The following SHC1 variants were observed in gnomAD, a reference collection of about 807,000 sequenced individuals.
The protein encoded by SHC1 is SHC-transforming protein 1.
SHC1 carries 30 observed loss-of-function variants against 55.9 expected under a neutral mutation model. The ratio of observed to expected loss-of-function variants is 0.54; its 90% confidence interval spans 0.40 to 0.73. The LOEUF (loss-of-function observed/expected upper bound fraction) is 0.73, where lower values mean the gene tolerates loss of function less well. SHC1 is among the 30% of genes least tolerant of loss of function. The pLI, the probability that SHC1 is intolerant of heterozygous loss-of-function variation, is 0.00. For missense variants in SHC1, 675 were observed against 777.1 expected (o/e 0.87, Z 1.56); for synonymous variants, 309 against 306.1 (o/e 1.01, Z -0.10).
chr1:154,969,962 G>C, intron 1 of SHC1, 70 bp downstream of exon 1: 1 of 1,538,682 alleles, frequency 6.5e-7, no homozygotes, highest in South Asian at 1.1e-5. Flanking sequence ...AAGAGATTCC[G>C]GCCAAGCTGG....
chr1:154,968,854 C>G lies in SHC1; in HGVS notation c.567-20G>C. On this transcript the variant is annotated intron_variant, in intron 2 of 11. Transcript: ENST00000448116. ...GCCTCCCTGGGGAAAGAGGGGTACT[C>G]AGACCCAGCGCCTGCCTGCCTGCCT... 6.2e-7 allele frequency: 1 copy of G among 1,611,958 alleles called. No individual in the cohort carries two copies. The highest frequency in any genetic ancestry group is 8.5e-7 in the Non-Finnish European group (1 of 1,178,020).
intron 10 of SHC1, 62 bp from the exon 11 acceptor site, chr1:154,965,843 C>T: frequency 1.3e-6 from 2 of 1,577,662 alleles, no homozygotes; most frequent in Non-Finnish European, 1.7e-6. Context: ...AAGACCCAGA[C>T]TTCAGGGAAG....
intron 2 of SHC1, 119 bp downstream of exon 2, chr1:154,969,259 C>T: frequency 2.8e-6 from 2 of 713,984 alleles, no homozygotes; most frequent in East Asian, 2.7e-5. Context: ...TCTCTCAATC[C>T]CCTTTACTAC....
upstream of SHC1, among the ~76,000 whole-genome samples, chr1:154,971,781 T>C (rs1447966245): frequency 6.6e-6 from 1 of 151,850 alleles, no homozygotes; most frequent in African/African-American, 2.4e-5. Context: ...TCTGCGTCAA[T>C]AAGGACAGGA....
chr1:154,968,500 T>G lies in SHC1; in HGVS notation c.745A>C (p.Lys249Gln). Reference sequence around the variant, plus strand: ...GTCTGCCCACCTTCACCAACCTGTTTGCAGTCTGCGGCCATGAGGTTGAGG... The same window carrying G: ...GTCTGCCCACCTTCACCAACCTGTTGGCAGTCTGCGGCCATGAGGTTGAGG... The part of the protein sequence containing the change: ...SSLNLMAADC[K>Q]QIIANHHMQS... Residue 249 changes from lysine to glutamine, a missense_variant, in exon 4 of 12, where the codon AAA becomes CAA. Physicochemically the swap from Lys to Gln is moderately conservative, Grantham distance 53. Around this residue, in one of 3 missense-constraint regions of SHC1, gnomAD observed 159 missense variants for 246.9 expected, o/e 0.64. Coordinates refer to ENST00000448116, the MANE Select transcript of SHC1 (RefSeq NM_001130040.2). 1 of 1,614,108 alleles carries G rather than the reference T, an allele frequency of 6.2e-7. No homozygotes were observed. The highest frequency in any genetic ancestry group is 8.5e-7 in the Non-Finnish European group (1 of 1,180,002).
upstream of SHC1, among the ~76,000 whole-genome samples, chr1:154,974,077 A>G (rs555618234): frequency 6.6e-6 from 1 of 152,074 alleles, no homozygotes; most frequent in Non-Finnish European, 1.5e-5. Context: ...GAGACAAAAA[A>G]TAAAAATCAA....
Position 154,963,052 on chromosome 1 carries a change from G to T in SHC1, c.*751C>A. Reference sequence around the variant, plus strand: ...CGTAGAGTACATAGGCATGCAACATGGGAGGGCAGGCCTTATGAAATGTAT... The same window carrying T: ...CGTAGAGTACATAGGCATGCAACATTGGAGGGCAGGCCTTATGAAATGTAT... On this transcript the variant is annotated 3_prime_UTR_variant, in exon 12 of 12. Transcript: ENST00000448116. The T allele has an allele frequency of 6.5e-6, 1 of 152,916 alleles. No homozygotes were observed. The allele number at this position is 152,916 out of a possible 1,614,324, so 9.5% of individuals were successfully genotyped here.
In SHC1 at chr1:154,970,118, G is replaced by A. The variant is rs1656555952; in HGVS notation, c.409C>T (p.His137Tyr). 1 of 1,613,440 alleles carries A rather than the reference G, an allele frequency of 6.2e-7. No homozygotes were observed. Among genetic ancestry groups the A allele is most frequent in the South Asian group, 1.1e-5 (1 of 91,090 alleles). ...GTGGGCTTATTGACAAAGCTCCCGT[G>A]GCGGGTCCACTCCTCGCCCCCAAGC... ...GQLGGEEWTR[H>Y]GSFVNKPTRG... is the part of the protein sequence containing the mutation. Residue 137 changes from histidine to tyrosine, a missense_variant, in exon 1 of 12, where the codon CAC becomes TAC. By Grantham distance (83) the His-to-Tyr change is moderately conservative. Around this residue, in one of 3 missense-constraint regions of SHC1, gnomAD observed 159 missense variants for 246.9 expected, o/e 0.64. Coordinates refer to ENST00000448116, the MANE Select transcript of SHC1 (RefSeq NM_001130040.2). This position sits in a 1 kb window ranked among gnomAD's most constrained non-coding sequence, Gnocchi z 5.5.
At chr1:154,973,293 C>T (rs562611038), upstream of SHC1, 1 of 152,250 alleles carries the variant, frequency 6.6e-6, no homozygotes, top group East Asian at 1.9e-4. Flanking sequence ...GGTGGAGCAC[C>T]TGAGGTCAGG....
At chr1:154,967,187 CG>C (rs1656109868) in intron 7 of SHC1, among the ~76,000 whole-genome samples, 1 of 140,122 alleles carries the variant, frequency 7.1e-6, no homozygotes, top group Non-Finnish European at 1.5e-5. Context: ...GGTGGGGGGC[CG>C]GGGGAGGCAC....
At chr1:154,964,124 G>T (rs1235822595) in intron 11 of SHC1, 193 bp from the exon 12 acceptor site, 1 of 752,144 alleles carries the variant, frequency 1.3e-6, no homozygotes, top group Non-Finnish European at 2.5e-6. Flanking sequence ...AGACAGGTCA[G>T]TGAAGTGAGA....
At chr1:154,965,422 G>A (rs1655821461) in intron 11 of SHC1, 121 bp downstream of exon 11, 1 of 1,612,008 alleles carries the variant, frequency 6.2e-7, no homozygotes, top group Non-Finnish European at 8.5e-7. Flanking sequence ...AGCAAGAGAG[G>A]CCCATAGACA....
intron 7 of SHC1, among the ~76,000 whole-genome samples, chr1:154,967,180 G>C (rs191534080): frequency 1.4e-3 from 207 of 151,918 alleles, no homozygotes; most frequent in Middle Eastern, 6.8e-3. Flanking sequence ...GTAGGGGGGT[G>C]GGGGGCCGGG....
chr1:154,969,887 G>A (rs1656523507), intron 1 of SHC1, 145 bp downstream of exon 1: 1 of 925,544 alleles, frequency 1.1e-6, no homozygotes, highest in East Asian at 2.4e-5. Flanking sequence ...CAGAATCGGG[G>A]AAGGGATGAG....
Position 154,970,210 on chromosome 1 carries a change from G to A in SHC1, c.317C>T (p.Pro106Leu), listed in dbSNP as rs772513815. ...GAAMPDSGPL[P>L]LLQDMNKLSG... ...CAGCTTGTTCATGTCCTGGAGGAGG[G>A]GTAGGGGGCCTGAGTCTGGCATGGC... The change falls in exon 1 of 12, where the codon CCC becomes CTC. Residue 106 changes from proline to leucine, a missense_variant. By Grantham distance (98) the Pro-to-Leu change is moderately conservative (BLOSUM62 -3). This residue lies in a region of SHC1 where 156 missense variants were observed against 159.1 expected (regional missense o/e 0.98). Transcript: ENST00000448116. This position sits in a 1 kb window ranked among gnomAD's most constrained non-coding sequence, Gnocchi z 5.5. 7.4e-6 allele frequency: 12 copies of A among 1,613,754 alleles called. No individual in the cohort carries two copies. Among genetic ancestry groups the A allele is most frequent in the Non-Finnish European group, 1.0e-5 (12 of 1,179,902 alleles).
intron 2 of SHC1, among the ~76,000 whole-genome samples, chr1:154,969,112 A>G (rs1571445923): frequency 6.7e-6 from 1 of 149,916 alleles, no homozygotes; most frequent in Admixed American, 6.6e-5. Flanking sequence ...CCTTCCATCT[A>G]CCCCCCTTTT....
upstream of SHC1, chr1:154,974,336 C>T (rs1343959495): frequency 6.9e-6 from 2 of 288,996 alleles, no homozygotes; most frequent in South Asian, 6.9e-5. Flanking sequence ...CTCCAACTTT[C>T]TCCCCGGGCC....
In SHC1 at chr1:154,965,760, C is replaced by T. The variant is rs752538345; in HGVS notation, c.1409G>A (p.Arg470His). 27 of 1,612,956 alleles carry T rather than the reference C, an allele frequency of 1.7e-5. No individual in the cohort carries two copies. Among genetic ancestry groups the T allele is most frequent in the Admixed American group, 1.3e-4 (8 of 59,970 alleles). Residue 470 changes from arginine (R) to histidine (H), a missense_variant, in exon 11 of 12, where the codon CGC becomes CAC. Transcript: ENST00000448116. ...FDMKPFEDAL[R>H]VPPPPQSVSM... ...CACCGACTGGGGAGGTGGAGGCACG[C>T]GAAGAGCATCTTCGAAGGGCTCTGG...
chr1:154,968,039 G>A lies in SHC1; in HGVS notation c.805-8C>T. ...GACATACTCGGCTGTGTCCTGGGGA[G>A]GAAGGTCAAAAAATTTTACAGTTCT... is the stretch of plus-strand genomic sequence containing the variant. On this transcript the variant is annotated splice_region_variant and splice_polypyrimidine_tract_variant and intron_variant, in intron 5 of 11. Coordinates refer to ENST00000448116, the MANE Select transcript of SHC1 (RefSeq NM_001130040.2). 1 of 1,614,120 alleles carries A rather than the reference G, an allele frequency of 6.2e-7. No homozygotes were observed. The highest frequency in any genetic ancestry group is 1.1e-5 in the South Asian group (1 of 91,082).
Sources: allele counts gnomAD v4.1 joint callset (sites outside exome capture counted in the v4.1 genomes callset), GRCh38; gene constraint gnomAD v4.1.1; regional missense constraint gnomAD v4.1.1; non-coding constraint Gnocchi (gnomAD v3.1); transcripts MANE v1.5; gene names NCBI Gene and HGNC (gene_info 2026-07-23, HGNC 2026-07-21).